The following ARHGAP6 variants were observed in gnomAD, a reference collection of about 807,000 sequenced individuals.
ARHGAP6 encodes the protein Rho GTPase activating protein 6, also known as rho GTPase-activating protein 6.
ARHGAP6 carries 16 observed loss-of-function variants against 55.7 expected under a neutral mutation model. That is an observed-to-expected ratio of 0.29 (90% CI 0.19 to 0.44). ARHGAP6 has a LOEUF of 0.44. ARHGAP6 is among the 20% of genes least tolerant of loss of function. The pLI is 1.00. For synonymous variants in ARHGAP6, 382 were observed against 360.9 expected (o/e 1.06, Z -0.66); for missense variants, 698 against 808.9 (o/e 0.86, Z 1.66).
intron 1 of ARHGAP6, among the ~76,000 whole-genome samples, chrX:11,556,095 G>A (rs1004029781): frequency 9.0e-6 from 1 of 111,067 alleles, no homozygotes; most frequent in Non-Finnish European, 1.9e-5. Context: ...CCAAATACTA[G>A]GTATAAAAGG....
intron 1 of ARHGAP6, among the ~76,000 whole-genome samples, chrX:11,607,712 A>C (rs2052051783): frequency 8.9e-6 from 1 of 112,417 alleles, no homozygotes; most frequent in Admixed American, 9.4e-5. Flanking sequence ...GTTACTGTTA[A>C]GTTATGCCAT....
At chrX:11,579,401 T>C (rs1437581155) in intron 1 of ARHGAP6, among the ~76,000 whole-genome samples, 5 of 112,160 alleles carry the variant, frequency 4.5e-5, no homozygotes, top group African/African-American at 1.6e-4. Context: ...TGTAGTATAA[T>C]GTTACAAATG....
At chrX:11,591,037 C>G (rs2051824082) in intron 1 of ARHGAP6, among the ~76,000 whole-genome samples, 1 of 107,147 alleles carries the variant, frequency 9.3e-6, no homozygotes, top group Non-Finnish European at 1.9e-5. Context: ...ACTAAAAATA[C>G]AAAAATTAGC....
At chrX:11,330,378 T>C (rs1219355857) in intron 1 of ARHGAP6, among the ~76,000 whole-genome samples, 1 of 112,279 alleles carries the variant, frequency 8.9e-6, no homozygotes. Context: ...CACATTGTAT[T>C]CAAAATTCAT....
At chrX:11,396,691 G>A (rs1302920430) in intron 1 of ARHGAP6, among the ~76,000 whole-genome samples, 1 of 111,423 alleles carries the variant, frequency 9.0e-6, no homozygotes, top group Non-Finnish European at 1.9e-5. Flanking sequence ...ATGCCAAGAT[G>A]AGAGACGCTG....
At chrX:11,282,531 A>G (rs2047870007) in intron 1 of ARHGAP6, among the ~76,000 whole-genome samples, 1 of 112,436 alleles carries the variant, frequency 8.9e-6, no homozygotes, top group African/African-American at 3.2e-5. Flanking sequence ...GGCAAAGTTG[A>G]TAAAACTACA....
chrX:11,274,001 TC>T (rs2147519500), intron 1 of ARHGAP6, among the ~76,000 whole-genome samples: 1 of 111,334 alleles, frequency 9.0e-6, no homozygotes, highest in South Asian at 3.8e-4. Flanking sequence ...AAGTAACTTG[TC>T]CCAGGACACA....
intron 2 of ARHGAP6, among the ~76,000 whole-genome samples, chrX:11,243,428 G>A (rs1489442600): frequency 1.8e-5 from 2 of 111,777 alleles, no homozygotes; most frequent in Admixed American, 9.5e-5. Context: ...ACATGAGAAG[G>A]GAATATTGCT....
chrX:11,445,546 A>G (rs1186799445), intron 1 of ARHGAP6, among the ~76,000 whole-genome samples: 1 of 112,211 alleles, frequency 8.9e-6, no homozygotes. Context: ...CAAATATGTC[A>G]AGAGAAGCCT....
intron 1 of ARHGAP6, among the ~76,000 whole-genome samples, chrX:11,467,435 C>T (rs1367082605): frequency 9.0e-6 from 1 of 110,780 alleles, no homozygotes; most frequent in Admixed American, 9.6e-5. Context: ...TAAGGGAGAA[C>T]AGCCCTCTCT....
At chrX:11,490,811 T>C (rs1236041681) in intron 1 of ARHGAP6, among the ~76,000 whole-genome samples, 1 of 112,406 alleles carries the variant, frequency 8.9e-6, no homozygotes, top group Non-Finnish European at 1.9e-5. Flanking sequence ...GAGGAAACCA[T>C]GCTAGAATTA....
chrX:11,143,619 G>A, intron 11 of ARHGAP6: 1 of 965,352 alleles, frequency 1.0e-6, no homozygotes, highest in African/African-American at 2.0e-5. Context: ...GTAATTGGGT[G>A]GCACCTCAGA....
chrX:11,251,265 C>T (rs868113714), intron 2 of ARHGAP6, among the ~76,000 whole-genome samples: 13 of 111,637 alleles, frequency 1.2e-4, no homozygotes, highest in African/African-American at 2.9e-4. Context: ...TAAAATCCCA[C>T]GTGCCCTCCC....
chrX:11,336,788 G>C (rs1435696894), intron 1 of ARHGAP6, among the ~76,000 whole-genome samples: 1 of 111,825 alleles, frequency 8.9e-6, no homozygotes, highest in Non-Finnish European at 1.9e-5. Flanking sequence ...CAATTCCCAA[G>C]CAACATTCAT....
chrX:11,450,831 ACCTC>A (rs1160695169), intron 1 of ARHGAP6, among the ~76,000 whole-genome samples: 1 of 110,849 alleles, frequency 9.0e-6, no homozygotes, highest in Non-Finnish European at 1.9e-5. Context: ...TCATTTGCAC[ACCTC>A]CCTCCATTGT....
chrX:11,268,527 G>A lies in ARHGAP6; in HGVS notation c.589-13820C>T, dbSNP rs777433240. On this transcript the variant is annotated intron_variant, in intron 1 of 12. Transcript: ENST00000337414. Reference sequence around the variant, plus strand: ...AAAACACTGACTGCTCATGAAGCCCGTAGCCCCTTTTTCGTGGGCATTCAG... The same window carrying A: ...AAAACACTGACTGCTCATGAAGCCCATAGCCCCTTTTTCGTGGGCATTCAG... Among the ~76,000 whole-genome samples the A allele has an allele frequency of 5.4e-5, 6 of 111,848 alleles. No homozygotes were observed. In the South Asian group the frequency reaches 1.5e-3, roughly 28 times the overall value.
chrX:11,551,717 CAG>C (rs1216518221), intron 1 of ARHGAP6, among the ~76,000 whole-genome samples: 1 of 111,631 alleles, frequency 9.0e-6, no homozygotes, highest in Non-Finnish European at 1.9e-5. Context: ...TTTGGACAGA[CAG>C]AGAGATACAC....
chrX:11,606,523 G>A (rs1206872843), intron 1 of ARHGAP6, among the ~76,000 whole-genome samples: 2 of 111,478 alleles, frequency 1.8e-5, no homozygotes, highest in African/African-American at 6.5e-5. Context: ...CAGGATCAAT[G>A]AGGCCTGTGA....
At chrX:11,364,131 T>C (rs1309916838) in intron 1 of ARHGAP6, among the ~76,000 whole-genome samples, 2 of 111,244 alleles carry the variant, frequency 1.8e-5, no homozygotes, top group Non-Finnish European at 3.8e-5. Flanking sequence ...ATGTTCTCAC[T>C]TGTAAGTGGG....
Sources: allele counts gnomAD v4.1 joint callset (sites outside exome capture counted in the v4.1 genomes callset), GRCh38; gene constraint gnomAD v4.1.1; transcripts MANE v1.5; gene names NCBI Gene and HGNC (gene_info 2026-07-23, HGNC 2026-07-21).